The following ARHGAP6 variants were observed in gnomAD, a reference collection of about 807,000 sequenced individuals.
ARHGAP6 encodes the protein rho GTPase-activating protein 6.
ARHGAP6 carries 16 observed loss-of-function variants against 55.7 expected under a neutral mutation model. The observed-to-expected ratio is 0.29, with a 90% confidence interval of 0.19 to 0.44. ARHGAP6 has a LOEUF of 0.44. Among genes scored for constraint, ARHGAP6 ranks in the 20% least tolerant of loss-of-function variants. The pLI, the probability that ARHGAP6 is intolerant of heterozygous loss-of-function variation, is 1.00. For missense variants in ARHGAP6, 698 were observed against 808.9 expected (o/e 0.86, Z 1.66); for synonymous variants, 382 against 360.9 (o/e 1.06, Z -0.66).
chrX:11,249,990 A>G (rs68014736), intron 2 of ARHGAP6, among the ~76,000 whole-genome samples: 20,543 of 110,848 alleles, frequency 0.19, 1,512 homozygotes, highest in African/African-American at 0.27. Context: ...CTTAATGATG[A>G]TTGTCTCATT....
At chrX:11,391,641 G>A (rs2049407693) in intron 1 of ARHGAP6, among the ~76,000 whole-genome samples, 1 of 112,093 alleles carries the variant, frequency 8.9e-6, no homozygotes, top group Non-Finnish European at 1.9e-5. Context: ...TTTGCTGTAC[G>A]TTCTCATCAG....
intron 1 of ARHGAP6, among the ~76,000 whole-genome samples, chrX:11,255,622 AC>A (rs1375767541): frequency 1.8e-5 from 2 of 111,480 alleles, no homozygotes; most frequent in African/African-American, 6.5e-5. Context: ...TAATATTGTA[AC>A]CACTGAGGTT....
At chrX:11,435,973 G>T in intron 1 of ARHGAP6, among the ~76,000 whole-genome samples, 1 of 112,004 alleles carries the variant, frequency 8.9e-6, no homozygotes, top group Non-Finnish European at 1.9e-5. Flanking sequence ...TTCTTTTAAA[G>T]CTCTTAAGAT....
intron 1 of ARHGAP6, among the ~76,000 whole-genome samples, chrX:11,543,768 G>A (rs758095097): frequency 1.1e-3 from 124 of 112,230 alleles, no homozygotes; most frequent in Non-Finnish European, 1.9e-3. Context: ...AACAGCATGC[G>A]ATGTGCATAG....
At position 11,664,414 on chromosome X, in the gene ARHGAP6, G is replaced by A. The variant is rs1230278498; in HGVS notation, c.415C>T (p.Leu139=). The A allele has an allele frequency of 8.3e-7, 1 of 1,212,115 alleles. No homozygotes were observed. Among genetic ancestry groups the A allele is most frequent in the Admixed American group, 2.2e-5 (1 of 46,151 alleles). The change falls in exon 1 of 13, where the codon CTG becomes TTG. Residue 139 remains leucine, a synonymous_variant. Coordinates refer to ENST00000337414, the MANE Select transcript of ARHGAP6 (RefSeq NM_013427.3). ...GCTGGCCCGGCCAGGACAGAAGGCAGGTCCCAGGCCATGCTCTTCTTGAGG... is the reference window on the plus strand; with the variant it reads ...GCTGGCCCGGCCAGGACAGAAGGCAAGTCCCAGGCCATGCTCTTCTTGAGG... ...GGLKKSMAWD[L]PSVLAGPASS...
At chrX:11,162,917 G>A (rs1225836097) in intron 9 of ARHGAP6, among the ~76,000 whole-genome samples, 4 of 111,948 alleles carry the variant, frequency 3.6e-5, no homozygotes, top group Admixed American at 1.9e-4. Flanking sequence ...TGGGATTTTT[G>A]TATATAGCAA....
At chrX:11,524,503 T>C (rs750587702) in intron 1 of ARHGAP6, among the ~76,000 whole-genome samples, 1 of 111,877 alleles carries the variant, frequency 8.9e-6, no homozygotes, top group East Asian at 2.8e-4. Flanking sequence ...CCCTAGATTG[T>C]TATGGATGCA....
intron 2 of ARHGAP6, among the ~76,000 whole-genome samples, chrX:11,214,628 G>A (rs1458456358): frequency 8.8e-6 from 1 of 113,269 alleles, no homozygotes; most frequent in Non-Finnish European, 1.9e-5. Context: ...ACCTCAGAAA[G>A]CCACCCTCTC....
intron 1 of ARHGAP6, among the ~76,000 whole-genome samples, chrX:11,287,564 G>A (rs1168642712): frequency 8.9e-6 from 1 of 112,162 alleles, no homozygotes; most frequent in African/African-American, 3.2e-5. Flanking sequence ...CCACTGCAGA[G>A]GGGACACAAG....
intron 1 of ARHGAP6, among the ~76,000 whole-genome samples, chrX:11,432,243 C>T (rs2049947589): frequency 8.9e-6 from 1 of 112,419 alleles, no homozygotes; most frequent in African/African-American, 3.2e-5. Context: ...CTCAACATTC[C>T]GTTTCTGAGG....
At chrX:11,425,091 A>G (rs1377243744) in intron 1 of ARHGAP6, among the ~76,000 whole-genome samples, 2 of 112,176 alleles carry the variant, frequency 1.8e-5, no homozygotes, top group East Asian at 5.6e-4. Context: ...TGAGCCACTG[A>G]CCTCTTATAT....
intron 1 of ARHGAP6, among the ~76,000 whole-genome samples, chrX:11,355,645 G>A (rs1385527972): frequency 8.9e-6 from 1 of 112,053 alleles, no homozygotes; most frequent in Non-Finnish European, 1.9e-5. Flanking sequence ...GGTTCATGCA[G>A]ATAACCATCT....
chrX:11,265,380 T>C (rs1410046766), intron 1 of ARHGAP6, among the ~76,000 whole-genome samples: 1 of 112,422 alleles, frequency 8.9e-6, no homozygotes, highest in Non-Finnish European at 1.9e-5. Flanking sequence ...CTTTACCCTT[T>C]CAGACTTCAA....
intron 2 of ARHGAP6, among the ~76,000 whole-genome samples, chrX:11,252,916 G>A (rs746810578): frequency 3.0e-4 from 34 of 111,814 alleles, no homozygotes; most frequent in Middle Eastern, 4.6e-3. Context: ...GAGGCAAGTC[G>A]CCCAAGCTCA....
intron 1 of ARHGAP6, among the ~76,000 whole-genome samples, chrX:11,637,698 A>G (rs185283240): frequency 1.2e-3 from 135 of 111,128 alleles, no homozygotes; most frequent in East Asian, 5.1e-3. Flanking sequence ...TTCTCCCCAA[A>G]CCTAATTGGA....
At chrX:11,285,906 A>G (rs1289776791) in intron 1 of ARHGAP6, among the ~76,000 whole-genome samples, 3 of 112,448 alleles carry the variant, frequency 2.7e-5, no homozygotes, top group African/African-American at 9.7e-5. Flanking sequence ...GTAGGGTATG[A>G]TCAAATTGTG....
At chrX:11,175,316 G>A (rs941478991) in intron 8 of ARHGAP6, among the ~76,000 whole-genome samples, 15 of 111,980 alleles carry the variant, frequency 1.3e-4, no homozygotes, top group Admixed American at 2.8e-4. Flanking sequence ...ACGATTTCAC[G>A]GAAGCAATGC....
chrX:11,185,515 T>C (rs191021208), intron 5 of ARHGAP6, among the ~76,000 whole-genome samples: 2 of 112,318 alleles, frequency 1.8e-5, no homozygotes, highest in East Asian at 5.6e-4. Context: ...ACAATGAGCA[T>C]ATTATTTTTA....
chrX:11,633,996 T>G (rs2052389027), intron 1 of ARHGAP6, among the ~76,000 whole-genome samples: 1 of 111,254 alleles, frequency 9.0e-6, no homozygotes, highest in Non-Finnish European at 1.9e-5. Context: ...TAAGGAGCAC[T>G]TGATAAATGT....
Sources: gnomAD v4.1 joint callset for allele counts (sites outside exome capture counted in the v4.1 genomes callset) on GRCh38, gnomAD v4.1.1 for gene constraint, MANE v1.5 for transcripts, NCBI Gene and HGNC (gene_info 2026-07-23, HGNC 2026-07-21) for gene names.